ZNF48: variants seen among roughly 807,000 people sequenced by gnomAD.
ZNF48 encodes the protein zinc finger protein 48.
A neutral mutation model predicts 40.0 loss-of-function variants in ZNF48; 20 were observed. The ratio of observed to expected loss-of-function variants is 0.50; its 90% CI spans 0.35 to 0.73. The LOEUF (loss-of-function observed/expected upper bound fraction) is 0.73, where lower values mean the gene tolerates loss of function less well. Among genes scored for constraint, ZNF48 ranks in the 30% least tolerant of loss-of-function variants. ZNF48 has a pLI of 0.01. For synonymous variants in ZNF48, 298 were observed against 329.7 expected, an observed-to-expected ratio of 0.90 and a Z score of 1.04; for missense variants, 726 against 851.9, an observed-to-expected ratio of 0.85 and a Z score of 1.84.
intron 1 of ZNF48, among the ~76,000 whole-genome samples, chr16:30,390,309 T>G (rs1307210150): frequency 6.6e-6 from 1 of 152,166 alleles, no homozygotes; most frequent in African/African-American, 2.4e-5. Flanking sequence ...TGCTGACCAT[T>G]TATACCCTCT....
Position 30,381,575 on chromosome 16 carries a change from C to G in ZNF48, c.-16+3165C>G. On this transcript the variant is annotated intron_variant, in intron 1 of 2. Coordinates refer to the ZNF48 transcript ENST00000528032. The surrounding 1 kb of genome is among the most constrained non-coding windows in gnomAD (Gnocchi z 4.3). ...AGTAGAATGTCATTTCTTTGGCTCC[C>G]TCCAAAGACATTAAGGGGAACTGGT... 6.6e-7 allele frequency: 1 copy of G among 1,511,498 alleles called. No homozygotes were observed. Among genetic ancestry groups the G allele is most frequent in the South Asian group, 1.2e-5 (1 of 83,804 alleles). 93.6% of individuals were successfully genotyped at this position (1,511,498 alleles called of 1,614,324 possible).
At chr16:30,386,818 C>T (rs1468619648) in intron 1 of ZNF48, among the ~76,000 whole-genome samples, 2 of 151,748 alleles carry the variant, frequency 1.3e-5, no homozygotes, top group Non-Finnish European at 2.9e-5. Context: ...GCATGTGCCA[C>T]CACGCCCAGG....
intron 1 of ZNF48, chr16:30,378,962 G>A: frequency 6.4e-7 from 1 of 1,562,036 alleles, no homozygotes; most frequent in Non-Finnish European, 8.7e-7. Context: ...CTCAGGGCGG[G>A]GTCATGGGTG....
Position 30,395,693 on chromosome 16 carries a change from C to T in ZNF48, c.-15-87C>T, listed in dbSNP as rs949594398. ...CTGGGACCCGACGCCGCCCGGTGCC[C>T]GCGCTGGCCGGCAGAGGGCAGCGGC... On this transcript the variant is annotated intron_variant, in intron 1 of 2. Coordinates refer to ENST00000613509, the MANE Select transcript of ZNF48 (RefSeq NM_001214909.2). This position sits in a 1 kb window ranked among gnomAD's most constrained non-coding sequence, Gnocchi z 5.9. 44 of 1,146,440 alleles carry T rather than the reference C, an allele frequency of 3.8e-5. 1 individual carries two copies. The highest frequency in any genetic ancestry group is 3.5e-4 in the Admixed American group (8 of 22,974). The allele number at this position is 1,146,440 out of a possible 1,614,324, so 71.0% of individuals were successfully genotyped here.
chr16:30,379,179 C>G, intron 1 of ZNF48: 1 of 1,614,078 alleles, frequency 6.2e-7, no homozygotes, highest in Non-Finnish European at 8.5e-7. Flanking sequence ...GATGTGGGTT[C>G]TCCACTGGAG....
intron 1 of ZNF48, among the ~76,000 whole-genome samples, chr16:30,387,589 T>TTCC (rs2049911518): frequency 6.7e-6 from 1 of 148,716 alleles, no homozygotes; most frequent in South Asian, 2.2e-4. Flanking sequence ...AGACAGAGTT[T>TTCC]TCCTCGTCAC....
At position 30,382,465 on chromosome 16, in the gene ZNF48, G is replaced by T; in HGVS notation, c.-16+4055G>T. On this transcript the variant is annotated intron_variant, in intron 1 of 2. Transcript: ENST00000528032. This position sits in a 1 kb window ranked among gnomAD's most constrained non-coding sequence, Gnocchi z 4.8. ...GCTAGGAAGAGTCAGTGGGGTCTGG[G>T]GACCCCAGGCATGGGGGCTGGGGGC... 6.4e-7 allele frequency: 1 copy of T among 1,569,162 alleles called. No homozygotes were observed. Among genetic ancestry groups the T allele is most frequent in the East Asian group, 2.3e-5 (1 of 44,372 alleles).
chr16:30,385,681 T>G (rs1247807552), intron 1 of ZNF48, among the ~76,000 whole-genome samples: 1 of 152,104 alleles, frequency 6.6e-6, no homozygotes, highest in Non-Finnish European at 1.5e-5. Context: ...CACAAGTGTT[T>G]CCAGTGAGTT....
At position 30,399,309 on chromosome 16, in the gene ZNF48, A is replaced by T; in HGVS notation, c.*202A>T. 1.8e-6 allele frequency: 1 copy of T among 543,968 alleles called. No homozygotes were observed. The highest frequency in any genetic ancestry group is 3.2e-6 in the Non-Finnish European group (1 of 314,770). The allele number at this position is 543,968 out of a possible 1,614,324, so 33.7% of individuals were successfully genotyped here. A position where few individuals can be genotyped will look rare whatever the true frequency, so the allele number is the denominator to read the frequency against. On this transcript the variant is annotated 3_prime_UTR_variant, in exon 3 of 3. Coordinates refer to ENST00000613509, the MANE Select transcript of ZNF48 (RefSeq NM_001214909.2). Reference sequence around the variant, plus strand: ...TGGGCTGAGTCAGGACCTTGCCAGGACGGGCTGTACCCCTGGCTTCTAGAA... The same window carrying T: ...TGGGCTGAGTCAGGACCTTGCCAGGTCGGGCTGTACCCCTGGCTTCTAGAA...
intron 1 of ZNF48, among the ~76,000 whole-genome samples, chr16:30,387,619 C>T (rs575151017): frequency 1.5e-4 from 22 of 150,544 alleles, no homozygotes; most frequent in African/African-American, 4.6e-4. Flanking sequence ...AGTACAATGG[C>T]GCGATCTCGG....
intron 2 of ZNF48, among the ~76,000 whole-genome samples, chr16:30,396,687 A>AC (rs1491400716): frequency 7.1e-6 from 1 of 140,420 alleles, no homozygotes; most frequent in African/African-American, 2.8e-5. Flanking sequence ...ACGCTTTGCT[A>AC]CTTTTTTTTT....
chr16:30,380,890 T>C (rs1431932491), intron 1 of ZNF48: 7 of 571,378 alleles, frequency 1.2e-5, no homozygotes, highest in African/African-American at 5.6e-5. Context: ...TCTATGCTCC[T>C]GCCCTCAAAT....
chr16:30,379,076 G>A (rs2049800150), intron 1 of ZNF48: 3 of 1,614,032 alleles, frequency 1.9e-6, no homozygotes, highest in African/African-American at 1.3e-5. Flanking sequence ...CAGCGGGCCC[G>A]GTAGCCCTCG....
In ZNF48 at chr16:30,379,217, AG is replaced by A. The variant is rs754959275; in HGVS notation, c.-16+810del. 2.5e-6 allele frequency: 4 copies of A among 1,611,554 alleles called. No homozygotes were observed. The African/African-American group carries it at 5.3e-5, about 22-fold the overall frequency. On this transcript the variant is annotated intron_variant, in intron 1 of 2. Transcript: ENST00000528032. ...GGGGCGGCGCGGACCAGCGAACGTCAGGGAGTTTCGGGTCCAACCCACCCGT... is the reference window on the plus strand; with the variant it reads ...GGGGCGGCGCGGACCAGCGAACGTCAGGAGTTTCGGGTCCAACCCACCCGT...
intron 1 of ZNF48, chr16:30,383,100 T>A: frequency 2.3e-6 from 1 of 436,466 alleles, no homozygotes. Flanking sequence ...GAGGATTGCA[T>A]GAGCCCAGAA....
At chr16:30,380,268 C>T in intron 1 of ZNF48, 1 of 303,944 alleles carries the variant, frequency 3.3e-6, no homozygotes, top group East Asian at 6.7e-5. Context: ...CAGGAGAAGC[C>T]TGGGCAATAT....
intron 1 of ZNF48, among the ~76,000 whole-genome samples, chr16:30,386,228 A>T (rs893071403): frequency 3.3e-5 from 5 of 152,158 alleles, no homozygotes; most frequent in Non-Finnish European, 5.9e-5. Context: ...GCAATGAGTC[A>T]TTGTGGTGTC....
At chr16:30,380,951 A>G in intron 1 of ZNF48, 1 of 671,990 alleles carries the variant, frequency 1.5e-6, no homozygotes, top group African/African-American at 1.8e-5. Context: ...GCCTATTTTG[A>G]GCCTTCAGAG....
upstream of ZNF48, among the ~76,000 whole-genome samples, chr16:30,391,759 A>G (rs561176887): frequency 2.9e-4 from 42 of 146,734 alleles, no homozygotes; most frequent in African/African-American, 1.0e-3. Context: ...AGCCTCCCAA[A>G]GTGTGGGGAT....
Sources: allele counts gnomAD v4.1 joint callset (sites outside exome capture counted in the v4.1 genomes callset), GRCh38; gene constraint gnomAD v4.1.1; non-coding constraint Gnocchi (gnomAD v3.1); transcripts MANE v1.5; gene names NCBI Gene and HGNC (gene_info 2026-07-23, HGNC 2026-07-21).